The following NUCB2 variants were observed in gnomAD, a reference collection of about 807,000 sequenced individuals.
The protein encoded by NUCB2 is nucleobindin-2.
A neutral mutation model predicts 57.9 loss-of-function variants in NUCB2; 48 were observed. The observed-to-expected ratio is 0.83, with a 90% CI of 0.66 to 1.05. The LOEUF is 1.05. NUCB2 is among the 50% of genes least tolerant of loss of function. NUCB2 has a pLI of 0.00. For missense variants in NUCB2, 442 were observed against 476.2 expected (o/e 0.93, Z 0.67); for synonymous variants, 139 against 152.1 (o/e 0.91, Z 0.64).
downstream of NUCB2, chr11:17,334,604 G>A (rs186529770): frequency 1.9e-4 from 29 of 152,414 alleles, no homozygotes; most frequent in Admixed American, 1.8e-3. Flanking sequence ...AGCTACCCTA[G>A]GCCGGGCATG....
At chr11:17,322,916 G>C (rs1414147685) in intron 11 of NUCB2, among the ~76,000 whole-genome samples, 1 of 150,922 alleles carries the variant, frequency 6.6e-6, no homozygotes, top group South Asian at 2.1e-4. Context: ...GCTGATTTTT[G>C]TATGTTGATT....
At chr11:17,336,837 C>CATT (rs2139565127), downstream of NUCB2, among the ~76,000 whole-genome samples, 1 of 146,536 alleles carries the variant, frequency 6.8e-6, no homozygotes, top group African/African-American at 2.5e-5. Flanking sequence ...TTTACAACAG[C>CATT]ATTATTTTAT....
At position 17,330,355 on chromosome 11, in the gene NUCB2, C is replaced by G; in HGVS notation, c.1173+58C>G. 7.4e-7 allele frequency: 1 copy of G among 1,352,156 alleles called. No individual in the cohort carries two copies. The highest frequency in any genetic ancestry group is 1.0e-6 in the Non-Finnish European group (1 of 974,334). The allele number at this position is 1,352,156 out of a possible 1,614,324, so 83.8% of individuals were successfully genotyped here. On this transcript the variant is annotated intron_variant, in intron 12 of 13. Transcript: ENST00000529010. The surrounding 1 kb of genome is among the most constrained non-coding windows in gnomAD (Gnocchi z 4.3). ...AAGATTTTAGGTGCTTTGTTAAAAG[C>G]CTGTGTTTTTGTAACATATTTCATT...
chr11:17,299,993 A>G (rs1019258249), intron 4 of NUCB2, among the ~76,000 whole-genome samples: 22 of 151,982 alleles, frequency 1.4e-4, no homozygotes, highest in Middle Eastern at 3.2e-3. Flanking sequence ...GATAAAATTC[A>G]GTGTCTTTTT....
rs1389969192 is a variant in NUCB2 at position 17,288,852 on chromosome 11, G to T, written c.-1+5909G>T. On this transcript the variant is annotated intron_variant, in intron 2 of 13. Coordinates refer to ENST00000529010, the MANE Select transcript of NUCB2 (RefSeq NM_005013.4). ...TTACAGGCATGAGCCACCGTGCCTG[G>T]CCCTTAAAGTCTATTTAATAACATG... Among the ~76,000 whole-genome samples the T allele has an allele frequency of 2.4e-5, 3 of 127,172 alleles. 1 individual carries two copies. The highest frequency in any genetic ancestry group is 4.8e-5 in the Non-Finnish European group (3 of 62,968). The allele number at this position is 127,172 out of a possible 152,430, so 83.4% of individuals were successfully genotyped here. A position where few individuals can be genotyped will look rare whatever the true frequency, so the allele number is the denominator to read the frequency against.
chr11:17,308,355 A>G (rs1948001678), intron 5 of NUCB2, among the ~76,000 whole-genome samples: 1 of 152,224 alleles, frequency 6.6e-6, no homozygotes, highest in South Asian at 2.1e-4. Context: ...ATGCATGTCT[A>G]TACACATAGA....
chr11:17,333,012 T>G (rs1951535289), downstream of NUCB2: 1 of 152,050 alleles, frequency 6.6e-6, no homozygotes, highest in Non-Finnish European at 1.5e-5. Flanking sequence ...ATGCCCAAGA[T>G]CCCTAAAATT....
intron 4 of NUCB2, among the ~76,000 whole-genome samples, chr11:17,298,864 A>G (rs1056659869): frequency 6.6e-6 from 1 of 151,880 alleles, no homozygotes; most frequent in African/African-American, 2.4e-5. Context: ...TTGTCTGGCT[A>G]ATTTTTGTAT....
chr11:17,346,130 G>A (rs1199993541), intron 2 of NUCB2, among the ~76,000 whole-genome samples: 1 of 152,236 alleles, frequency 6.6e-6, no homozygotes, highest in East Asian at 1.9e-4. Flanking sequence ...ATATTAGAGA[G>A]TCATAGAGCC....
intron 11 of NUCB2, among the ~76,000 whole-genome samples, chr11:17,323,717 G>C (rs1226915611): frequency 1.3e-5 from 2 of 152,034 alleles, no homozygotes; most frequent in African/African-American, 4.8e-5. Context: ...TTTTTTGCTG[G>C]GTGACTTTTT....
At chr11:17,302,578 A>C (rs1302461754) in intron 5 of NUCB2, among the ~76,000 whole-genome samples, 1 of 151,858 alleles carries the variant, frequency 6.6e-6, no homozygotes, top group East Asian at 1.9e-4. Flanking sequence ...TTTTTAAAGA[A>C]AATCTTTTAG....
intron 11 of NUCB2, among the ~76,000 whole-genome samples, chr11:17,318,737 G>T (rs139100987): frequency 1.6e-4 from 24 of 152,252 alleles, no homozygotes; most frequent in African/African-American, 5.5e-4. Flanking sequence ...TGATGATAAG[G>T]ATTAGAGCTT....
At chr11:17,332,281 C>T (rs1414147519), downstream of NUCB2, 2 of 151,938 alleles carry the variant, frequency 1.3e-5, no homozygotes, top group Non-Finnish European at 2.9e-5. Context: ...TTTTCCAGAA[C>T]CAGCAGCACC....
intron 11 of NUCB2, among the ~76,000 whole-genome samples, chr11:17,321,019 T>C (rs913801303): frequency 6.6e-6 from 1 of 152,124 alleles, no homozygotes; most frequent in South Asian, 2.1e-4. Flanking sequence ...GATATTTTGG[T>C]AGAGGCATGT....
At chr11:17,288,892 C>T (rs1387090616) in intron 2 of NUCB2, among the ~76,000 whole-genome samples, 2 of 37,108 alleles carry the variant, frequency 5.4e-5, no homozygotes, top group African/African-American at 2.1e-4. Flanking sequence ...TACACACACA[C>T]ACACACACAC....
intron 5 of NUCB2, among the ~76,000 whole-genome samples, chr11:17,307,902 T>C (rs1947936724): frequency 6.6e-6 from 1 of 152,214 alleles, no homozygotes; most frequent in South Asian, 2.1e-4. Context: ...CTCACAGGCT[T>C]ACTAATGGCA....
At chr11:17,300,019 G>GT (rs60916427) in intron 4 of NUCB2, among the ~76,000 whole-genome samples, 4,408 of 150,404 alleles carry the variant, frequency 0.029, 223 homozygotes, top group African/African-American at 0.1. Flanking sequence ...TTTTTGTTTT[G>GT]TTTTTTTTTG....
intron 4 of NUCB2, among the ~76,000 whole-genome samples, chr11:17,301,452 G>T (rs1027279426): frequency 1.3e-5 from 2 of 150,454 alleles, no homozygotes; most frequent in Non-Finnish European, 3.0e-5. Context: ...GCTAATTTTT[G>T]TATTTTTAGT....
At chr11:17,288,548 TC>T (rs1944198370) in intron 2 of NUCB2, among the ~76,000 whole-genome samples, 1 of 123,824 alleles carries the variant, frequency 8.1e-6, no homozygotes, top group African/African-American at 3.4e-5. Context: ...TTCTTCTTCT[TC>T]TTCTTTTTTT....
Sources: gnomAD v4.1 joint callset for allele counts (sites outside exome capture counted in the v4.1 genomes callset) on GRCh38, gnomAD v4.1.1 for gene constraint, Gnocchi (gnomAD v3.1) non-coding constraint, MANE v1.5 for transcripts, NCBI Gene and HGNC (gene_info 2026-07-23, HGNC 2026-07-21) for gene names.